The following EXOC6 variants were observed in gnomAD, a reference collection of about 807,000 sequenced individuals.
The protein encoded by EXOC6 is exocyst complex component 6, also known as SEC15-like 1.
A neutral mutation model predicts 112.5 loss-of-function variants in EXOC6; 60 were observed. That is an observed-to-expected ratio of 0.53 (90% CI 0.43 to 0.66). The LOEUF is 0.66. EXOC6 is among the 30% of genes least tolerant of loss of function. The probability of loss-of-function intolerance (pLI) is 0.00; values close to 1 mark genes in which losing one functional copy is unlikely to be tolerated. For missense variants in EXOC6, 855 were observed against 957.1 expected (o/e 0.89, Z 1.41); for synonymous variants, 295 against 308.0 (o/e 0.96, Z 0.44).
intron 1 of EXOC6, among the ~76,000 whole-genome samples, chr10:92,891,430 A>T (rs61862262): frequency 6.6e-6 from 1 of 152,184 alleles, no homozygotes; most frequent in Non-Finnish European, 1.5e-5. Context: ...AAAAAAATTA[A>T]AATTTATATT....
At chr10:93,053,099 G>A (rs186649046) in intron 20 of EXOC6, among the ~76,000 whole-genome samples, 2 of 152,146 alleles carry the variant, frequency 1.3e-5, no homozygotes, top group African/African-American at 4.8e-5. Context: ...GAGGCAGTCC[G>A]CAAGGCAGTG....
chr10:92,931,119 A>G (rs1481044559), intron 9 of EXOC6, among the ~76,000 whole-genome samples: 5 of 135,300 alleles, frequency 3.7e-5, no homozygotes, highest in South Asian at 4.6e-4. Flanking sequence ...TCAGAAGAAA[A>G]AAAAAAAAAA....
chr10:93,020,239 T>C (rs564872050), intron 20 of EXOC6, among the ~76,000 whole-genome samples: 50 of 152,270 alleles, frequency 3.3e-4, no homozygotes, highest in African/African-American at 1.2e-3. Flanking sequence ...TCACTTAAAA[T>C]CACTAAAAAT....
At chr10:92,933,567 TG>T (rs1212524632) in intron 9 of EXOC6, among the ~76,000 whole-genome samples, 15 of 152,186 alleles carry the variant, frequency 9.9e-5, no homozygotes, top group African/African-American at 3.6e-4. Context: ...ATCACATTCA[TG>T]AAATTTGCAA....
At position 92,915,709 on chromosome 10, in the gene EXOC6, G is replaced by T; in HGVS notation, c.664-49G>T. 3.6e-6 allele frequency: 5 copies of T among 1,371,528 alleles called. No individual in the cohort carries two copies. In the South Asian group the frequency reaches 5.5e-5, roughly 15 times the overall value. The allele number at this position is 1,371,528 out of a possible 1,614,324, so 85.0% of individuals were successfully genotyped here. A position where few individuals can be genotyped will look rare whatever the true frequency, so the allele number is the denominator to read the frequency against. On this transcript the variant is annotated intron_variant, in intron 6 of 21. Transcript: ENST00000260762. ...TGAACAAATTTTTTGAACCAATTTTGACCATAATCAGTTTTGAAATAATCT... is the reference window on the plus strand; with the variant it reads ...TGAACAAATTTTTTGAACCAATTTTTACCATAATCAGTTTTGAAATAATCT...
intron 9 of EXOC6, among the ~76,000 whole-genome samples, chr10:92,932,123 A>G (rs1289600418): frequency 6.6e-6 from 1 of 152,188 alleles, no homozygotes; most frequent in Non-Finnish European, 1.5e-5. Flanking sequence ...CTCGGCACTA[A>G]AAGGGAATTG....
Position 92,928,339 on chromosome 10 carries a change from G to C in EXOC6, c.889G>C (p.Gly297Arg), listed in dbSNP as rs758011559. ...CATTACTCTGCTGATTTTATTTTAG[G>C]GTGACGAGGAAACATTTGAAAACTA... is the stretch of plus-strand genomic sequence containing the variant. ...YRCLHIYSVL[G>R]DEETFENYYR... The change falls in exon 9 of 22, where the codon GGT (glycine) becomes CGT (arginine). Residue 297 changes from glycine to arginine, a missense_variant and splice_region_variant. This residue lies in a region of EXOC6 where 405 missense variants were observed against 393.6 expected (regional missense o/e 1.03). Coordinates refer to ENST00000260762, the MANE Select transcript of EXOC6 (RefSeq NM_019053.6). The C allele has an allele frequency of 1.9e-5, 30 of 1,595,004 alleles. No individual in the cohort carries two copies. Among genetic ancestry groups the C allele is most frequent in the Non-Finnish European group, 2.3e-5 (27 of 1,165,754 alleles).
At chr10:92,915,472 G>A (rs1307262789) in intron 6 of EXOC6, among the ~76,000 whole-genome samples, 1 of 151,922 alleles carries the variant, frequency 6.6e-6, no homozygotes, top group African/African-American at 2.4e-5. Context: ...GGAGGCTGAG[G>A]TAGGAGGATC....
intron 20 of EXOC6, among the ~76,000 whole-genome samples, chr10:93,031,615 C>T (rs1315966417): frequency 6.7e-6 from 1 of 149,660 alleles, no homozygotes; most frequent in Non-Finnish European, 1.5e-5. Flanking sequence ...CAGGTTCAAG[C>T]GATTTTCCTG....
At chr10:92,930,923 C>A (rs1851991069) in intron 9 of EXOC6, among the ~76,000 whole-genome samples, 1 of 151,928 alleles carries the variant, frequency 6.6e-6, no homozygotes, top group Non-Finnish European at 1.5e-5. Context: ...AGCATCCTAG[C>A]AAACATGGTG....
intron 1 of EXOC6, among the ~76,000 whole-genome samples, chr10:92,866,948 C>T (rs1241888305): frequency 6.6e-6 from 1 of 152,020 alleles, no homozygotes; most frequent in African/African-American, 2.4e-5. Flanking sequence ...ATCAATAAGC[C>T]AGTCAGAACA....
intron 12 of EXOC6, 108 bp downstream of exon 12, chr10:92,935,993 TAATA>T (rs1589863310): frequency 9.1e-6 from 6 of 660,396 alleles, no homozygotes; most frequent in Non-Finnish European, 1.5e-5. Context: ...AAATTAGTAG[TAATA>T]AATGTTTACC....
In EXOC6 at chr10:92,882,297, A is replaced by C. The variant is rs183780510; in HGVS notation, c.102-11052A>C. On this transcript the variant is annotated intron_variant, in intron 1 of 21. Coordinates refer to ENST00000260762, the MANE Select transcript of EXOC6 (RefSeq NM_019053.6). Reference sequence around the variant, plus strand: ...AGTGGCTCACGGCTGTAATCCCAGCACTTTGGGAGGCCAAAGCAGGTGGAT... The same window carrying C: ...AGTGGCTCACGGCTGTAATCCCAGCCCTTTGGGAGGCCAAAGCAGGTGGAT... Among the ~76,000 whole-genome samples the C allele has an allele frequency of 3.9e-5, 6 of 152,236 alleles. No homozygotes were observed. In the East Asian group the frequency reaches 1.2e-3, roughly 29 times the overall value.
chr10:92,997,356 C>A, intron 18 of EXOC6, 118 bp from the exon 19 acceptor site: 7 of 887,990 alleles, frequency 7.9e-6, no homozygotes, highest in Non-Finnish European at 1.2e-5. Flanking sequence ...AAAGTAACCA[C>A]TATTGTACCA....
intron 17 of EXOC6, among the ~76,000 whole-genome samples, chr10:92,970,112 T>A (rs570210024): frequency 4.1e-4 from 63 of 152,358 alleles, no homozygotes; most frequent in African/African-American, 1.4e-3. Flanking sequence ...CTGCTTACTA[T>A]GTGCCAAGCA....
At chr10:93,019,918 C>G (rs1205677440) in intron 20 of EXOC6, among the ~76,000 whole-genome samples, 1 of 152,128 alleles carries the variant, frequency 6.6e-6, no homozygotes, top group Non-Finnish European at 1.5e-5. Context: ...ATTAAAAGTT[C>G]CAGTGAAGTC....
At chr10:93,050,779 A>AAAAAAAAAAAAAAAAAG (rs1846250532) in intron 20 of EXOC6, among the ~76,000 whole-genome samples, 2 of 147,938 alleles carry the variant, frequency 1.4e-5, no homozygotes, top group South Asian at 4.3e-4. Context: ...AAAAAAAAAA[A>AAAAAAAAAAAAAAAAAG]AAGAATTGCT....
intron 17 of EXOC6, among the ~76,000 whole-genome samples, chr10:92,966,281 A>AATTATAATT (rs1554905066): frequency 1.1e-3 from 147 of 134,920 alleles, no homozygotes; most frequent in South Asian, 2.0e-3. Flanking sequence ...ATGTAATTAT[A>AATTATAATT]ATTATTATTA....
intron 18 of EXOC6, among the ~76,000 whole-genome samples, chr10:92,984,459 G>A (rs181442037): frequency 3.3e-4 from 50 of 152,082 alleles, no homozygotes; most frequent in African/African-American, 1.2e-3. Context: ...TGTTACCCTG[G>A]GACTTTTGTT....
Sources: allele counts gnomAD v4.1 joint callset (sites outside exome capture counted in the v4.1 genomes callset), GRCh38; gene constraint gnomAD v4.1.1; regional missense constraint gnomAD v4.1.1; transcripts MANE v1.5; gene names NCBI Gene and HGNC (gene_info 2026-07-23, HGNC 2026-07-21).